Variants in EXOC4 observed in about 807,000 individuals in gnomAD.
EXOC4 encodes SEC8-like 1.
Under a neutral mutation model 107.2 loss-of-function variants are expected in EXOC4, and 71 were observed. That is an observed-to-expected ratio of 0.66 (90% CI 0.55 to 0.81). The LOEUF (loss-of-function observed/expected upper bound fraction) is 0.81, where lower values mean the gene tolerates loss of function less well. Ranked by LOEUF, EXOC4 falls within the 30% of genes least tolerant of loss-of-function variation. The pLI, the probability that EXOC4 is intolerant of heterozygous loss-of-function variation, is 0.00. For synonymous variants in EXOC4, 456 were observed against 441.2 expected (o/e 1.03, Z -0.42); for missense variants, 1,108 against 1,189.6 (o/e 0.93, Z 1.01).
intron 6 of EXOC4, among the ~76,000 whole-genome samples, chr7:133,369,800 CTTTTTTTTTTT>C (rs35258276): frequency 2.9e-4 from 25 of 86,668 alleles, no homozygotes; most frequent in South Asian, 1.4e-3. Flanking sequence ...ACTAGATTTC[CTTTTTTTTTTT>C]TTTTTTTTTT....
At chr7:133,596,296 A>G (rs967441387) in intron 9 of EXOC4, among the ~76,000 whole-genome samples, 1 of 152,186 alleles carries the variant, frequency 6.6e-6, no homozygotes, top group African/African-American at 2.4e-5. Context: ...ATGTTTCATA[A>G]TGTGCTGCCT....
intron 7 of EXOC4, among the ~76,000 whole-genome samples, chr7:133,412,301 T>TTTTTTG: frequency 6.8e-6 from 1 of 147,172 alleles, no homozygotes; most frequent in South Asian, 2.2e-4. Flanking sequence ...TTTTTTTTTT[T>TTTTTTG]GCCAGTATTT....
At chr7:133,491,454 G>C (rs1799370159) in intron 9 of EXOC4, among the ~76,000 whole-genome samples, 1 of 152,154 alleles carries the variant, frequency 6.6e-6, no homozygotes, top group Non-Finnish European at 1.5e-5. Flanking sequence ...GTAGCTTGGG[G>C]TTTAGTAGAA....
At chr7:133,865,921 C>G (rs1049790966) in intron 11 of EXOC4, among the ~76,000 whole-genome samples, 1 of 152,132 alleles carries the variant, frequency 6.6e-6, no homozygotes, top group Non-Finnish European at 1.5e-5. Flanking sequence ...TATCATCAAT[C>G]ATTGTGAACT....
intron 5 of EXOC4, among the ~76,000 whole-genome samples, chr7:133,332,771 T>C: frequency 6.6e-6 from 1 of 152,322 alleles, no homozygotes; most frequent in East Asian, 1.9e-4. Context: ...GCTGGGAACC[T>C]ATCATATAAC....
At chr7:133,655,656 TCCA>T (rs2151039997) in intron 10 of EXOC4, among the ~76,000 whole-genome samples, 1 of 152,302 alleles carries the variant, frequency 6.6e-6, no homozygotes, top group African/African-American at 2.4e-5. Context: ...ATCACTATCT[TCCA>T]CCTCCACATC....
chr7:133,991,979 A>G (rs1794272234), intron 14 of EXOC4, among the ~76,000 whole-genome samples: 1 of 152,034 alleles, frequency 6.6e-6, no homozygotes, highest in South Asian at 2.1e-4. Context: ...TCTTTTTTCT[A>G]TTTCTGTGAA....
chr7:133,759,458 T>C (rs1489380966), intron 10 of EXOC4, among the ~76,000 whole-genome samples: 2 of 152,222 alleles, frequency 1.3e-5, no homozygotes, highest in African/African-American at 4.8e-5. Flanking sequence ...AGATCTACAG[T>C]GGCTTTCCAA....
chr7:133,415,869 T>C (rs758225770), intron 7 of EXOC4, among the ~76,000 whole-genome samples: 7 of 152,146 alleles, frequency 4.6e-5, no homozygotes, highest in Non-Finnish European at 8.8e-5. Flanking sequence ...TAAAACATAA[T>C]ACAAGTTGCA....
chr7:133,395,841 T>C (rs1266923230), intron 7 of EXOC4, among the ~76,000 whole-genome samples: 1 of 152,160 alleles, frequency 6.6e-6, no homozygotes, highest in Non-Finnish European at 1.5e-5. Context: ...CAAAATTTTC[T>C]CTTTAGGGAT....
At chr7:133,907,667 C>T (rs1023516439) in intron 12 of EXOC4, among the ~76,000 whole-genome samples, 2 of 152,074 alleles carry the variant, frequency 1.3e-5, no homozygotes, top group Non-Finnish European at 2.9e-5. Context: ...GGTAAAACCC[C>T]ATCTCTACTA....
At chr7:133,552,390 C>T (rs546333757) in intron 9 of EXOC4, among the ~76,000 whole-genome samples, 11 of 152,200 alleles carry the variant, frequency 7.2e-5, no homozygotes, top group East Asian at 5.8e-4. Context: ...ACTGCTGTCA[C>T]GCAAAAACAA....
chr7:134,046,815 C>T (rs1312509743), intron 17 of EXOC4, among the ~76,000 whole-genome samples: 1 of 152,148 alleles, frequency 6.6e-6, no homozygotes, highest in Non-Finnish European at 1.5e-5. Flanking sequence ...CCAGCAAGCT[C>T]TCAGCACAGG....
chr7:133,514,966 A>G (rs948388604), intron 9 of EXOC4, among the ~76,000 whole-genome samples: 2 of 152,186 alleles, frequency 1.3e-5, no homozygotes, highest in Non-Finnish European at 2.9e-5. Flanking sequence ...CCACCACTTC[A>G]GTCTTTATCA....
intron 10 of EXOC4, among the ~76,000 whole-genome samples, chr7:133,698,095 A>G (rs1794575204): frequency 8.0e-6 from 1 of 125,018 alleles, no homozygotes; most frequent in Non-Finnish European, 1.6e-5. Flanking sequence ...GAGTTATTTC[A>G]TTAAAAAATG....
rs1421069027 is a variant in EXOC4, at chr7:133,478,121, CT to C, written c.1329-1925del. Among the ~76,000 whole-genome samples, 5 of 150,624 alleles carry C rather than the reference CT, an allele frequency of 3.3e-5. No homozygotes were observed. In the East Asian group the frequency reaches 9.8e-4, roughly 29 times the overall value. Reference sequence around the variant, plus strand: ...CAGATGCGCCTAAGCAGGCCCTTTTCTTTTCTTTTTTTTTTTTTCTTTTCTC... The same window carrying C: ...CAGATGCGCCTAAGCAGGCCCTTTTCTTTCTTTTTTTTTTTTTCTTTTCTC... On this transcript the variant is annotated intron_variant, in intron 8 of 17. Coordinates refer to ENST00000253861, the MANE Select transcript of EXOC4 (RefSeq NM_021807.4).
At chr7:133,981,148 GC>G (rs1793969649) in intron 14 of EXOC4, among the ~76,000 whole-genome samples, 1 of 152,158 alleles carries the variant, frequency 6.6e-6, no homozygotes, top group East Asian at 1.9e-4. Context: ...CTTCAGAGGA[GC>G]CCCCACCAAT....
chr7:133,571,013 G>T (rs1801012186), intron 9 of EXOC4, among the ~76,000 whole-genome samples: 1 of 152,144 alleles, frequency 6.6e-6, no homozygotes, highest in African/African-American at 2.4e-5. Flanking sequence ...AACCTGGGTG[G>T]CCTTATCTTC....
At chr7:133,312,121 T>A (rs1028406304) in intron 4 of EXOC4, among the ~76,000 whole-genome samples, 113 of 152,120 alleles carry the variant, frequency 7.4e-4, no homozygotes, top group African/African-American at 2.6e-3. Flanking sequence ...CATTGTGACA[T>A]TGTTGGTAAG....
Sources: allele counts gnomAD v4.1 joint callset (sites outside exome capture counted in the v4.1 genomes callset), GRCh38; gene constraint gnomAD v4.1.1; transcripts MANE v1.5; gene names NCBI Gene and HGNC (gene_info 2026-07-23, HGNC 2026-07-21).